The following SLC14A2 variants were observed in gnomAD, a reference collection of about 807,000 sequenced individuals.
SLC14A2 encodes solute carrier family 14 member 2, also known as urea transporter 2.
SLC14A2 carries 91 observed loss-of-function variants against 104.6 expected under a neutral mutation model. The observed-to-expected ratio is 0.87, with a 90% CI of 0.73 to 1.04. The LOEUF (loss-of-function observed/expected upper bound fraction) is 1.04. SLC14A2 is among the 50% of genes least tolerant of loss of function. The pLI is 0.00. For synonymous variants in SLC14A2, 476 were observed against 466.4 expected (o/e 1.02, Z -0.27); for missense variants, 1,189 against 1,156.0 (o/e 1.03, Z -0.41).
At chr18:45,201,764 CACTTATGAAAGATTTGGT>C in the SLC14A2 span, among the ~76,000 whole-genome samples, 1 of 152,072 alleles carries the variant, frequency 6.6e-6, no homozygotes, top group Non-Finnish European at 1.5e-5. Flanking sequence ...TACTCACTCT[CACTTATGAAAGATTTGGT>C]ACTTTTTCTC....
intron 2 of SLC14A2, among the ~76,000 whole-genome samples, chr18:45,563,363 TG>T (rs1415984130): frequency 6.6e-6 from 1 of 152,204 alleles, no homozygotes; most frequent in Non-Finnish European, 1.5e-5. Context: ...ACCAGTGTTG[TG>T]GGGCCAGAAG....
At chr18:45,538,569 A>G (rs1377731685) in intron 2 of SLC14A2, among the ~76,000 whole-genome samples, 2 of 152,190 alleles carry the variant, frequency 1.3e-5, no homozygotes, top group Non-Finnish European at 1.5e-5. Context: ...AGGACTGCTG[A>G]CACAACATAA....
chr18:45,667,152 C>G, intron 13 of SLC14A2, 58 bp downstream of exon 13: 1 of 1,428,734 alleles, frequency 7.0e-7, no homozygotes, highest in Non-Finnish European at 9.6e-7. Flanking sequence ...TCCACCCATC[C>G]CCAGGAAACC....
intron 2 of SLC14A2, among the ~76,000 whole-genome samples, chr18:45,575,257 C>T (rs1009350505): frequency 2.0e-5 from 3 of 152,146 alleles, no homozygotes; most frequent in African/African-American, 4.8e-5. Context: ...ATTTCACTAC[C>T]ACAACCCACT....
intron 16 of SLC14A2, among the ~76,000 whole-genome samples, chr18:45,670,048 A>T (rs1265937552): frequency 6.6e-6 from 1 of 152,202 alleles, no homozygotes; most frequent in Non-Finnish European, 1.5e-5. Flanking sequence ...GGATCGCTTG[A>T]GCCCAGGAGT....
At chr18:45,268,964 T>TGTGTGTG in intron 1 of SLC14A2, among the ~76,000 whole-genome samples, 1 of 143,558 alleles carries the variant, frequency 7.0e-6, no homozygotes, top group African/African-American at 2.7e-5. Context: ...GTTGGTGTGT[T>TGTGTGTG]TGTGTGTGTG....
chr18:45,484,834 T>C (rs1014774575), intron 2 of SLC14A2, among the ~76,000 whole-genome samples: 56 of 152,170 alleles, frequency 3.7e-4, no homozygotes, highest in Admixed American at 2.0e-4. Flanking sequence ...GATATACCTC[T>C]TAGGGTTGTA....
intron 10 of SLC14A2, among the ~76,000 whole-genome samples, chr18:45,644,793 A>G (rs1227312992): frequency 6.6e-6 from 1 of 152,234 alleles, no homozygotes; most frequent in African/African-American, 2.4e-5. Flanking sequence ...AATCCTATAT[A>G]TGACTTTATT....
chr18:45,471,059 A>G (rs987355047), intron 1 of SLC14A2, among the ~76,000 whole-genome samples: 11 of 151,900 alleles, frequency 7.2e-5, no homozygotes, highest in Admixed American at 4.6e-4. Flanking sequence ...TAGTTTCTTC[A>G]TTTTCTACTG....
chr18:45,618,453 G>A (rs906235493), intron 1 of SLC14A2, among the ~76,000 whole-genome samples: 20 of 152,206 alleles, frequency 1.3e-4, no homozygotes, highest in African/African-American at 4.3e-4. Flanking sequence ...TGGATTACCT[G>A]AGGTTAGGAG....
At chr18:45,285,199 T>C (rs187612564) in intron 1 of SLC14A2, among the ~76,000 whole-genome samples, 20 of 152,302 alleles carry the variant, frequency 1.3e-4, no homozygotes, top group Non-Finnish European at 2.9e-5. Context: ...AGGATCTATA[T>C]TGGTTTCCAA....
At chr18:45,621,071 T>C (rs556787442) in intron 1 of SLC14A2, among the ~76,000 whole-genome samples, 6 of 152,314 alleles carry the variant, frequency 3.9e-5, no homozygotes, top group African/African-American at 9.6e-5. Context: ...TGTCTAGATA[T>C]CTGATTGCCC....
At chr18:45,597,469 C>CTGGTA (rs2044731229) in intron 2 of SLC14A2, among the ~76,000 whole-genome samples, 1 of 152,210 alleles carries the variant, frequency 6.6e-6, no homozygotes, top group African/African-American at 2.4e-5. Context: ...CAGTGACTAC[C>CTGGTA]TGGTAGTTCC....
the SLC14A2 span, among the ~76,000 whole-genome samples, chr18:45,174,054 G>A: frequency 9.2e-5 from 14 of 152,152 alleles, no homozygotes; most frequent in Non-Finnish European, 1.6e-4. Flanking sequence ...TCATGTGAGT[G>A]TATGTTACCA....
intron 19 of SLC14A2, 97 bp downstream of exon 19, chr18:45,679,121 C>A: frequency 1.8e-6 from 2 of 1,120,940 alleles, no homozygotes; most frequent in Non-Finnish European, 1.3e-6. Context: ...TCTAAGAACT[C>A]TTCCCCAGTT....
intron 1 of SLC14A2, among the ~76,000 whole-genome samples, chr18:45,385,259 T>C (rs2085882535): frequency 6.6e-6 from 1 of 152,238 alleles, no homozygotes; most frequent in Admixed American, 6.5e-5. Flanking sequence ...TGATTAGCAC[T>C]ACCAAATTCC....
intron 19 of SLC14A2, among the ~76,000 whole-genome samples, chr18:45,680,416 T>C (rs1328681374): frequency 1.3e-5 from 2 of 152,306 alleles, no homozygotes; most frequent in East Asian, 1.9e-4. Context: ...GTTTAAGACA[T>C]TGTGTTGGCC....
chr18:45,271,274 T>A (rs1441723174), intron 1 of SLC14A2, among the ~76,000 whole-genome samples: 1 of 152,186 alleles, frequency 6.6e-6, no homozygotes, highest in African/African-American at 2.4e-5. Context: ...TCTTAGTGGC[T>A]GGGCCAGTCC....
chr18:45,426,657 A>G (rs1162082875), intron 1 of SLC14A2, among the ~76,000 whole-genome samples: 1 of 146,646 alleles, frequency 6.8e-6, no homozygotes, highest in Non-Finnish European at 1.5e-5. Context: ...ATATATACAT[A>G]CATATACATA....
Sources: allele counts gnomAD v4.1 joint callset (sites outside exome capture counted in the v4.1 genomes callset), GRCh38; gene constraint gnomAD v4.1.1; transcripts MANE v1.5; gene names NCBI Gene and HGNC (gene_info 2026-07-23, HGNC 2026-07-21).